Variants in CCBE1 observed in about 807,000 individuals in gnomAD.
CCBE1 encodes the protein collagen and calcium-binding EGF domain-containing protein 1.
A neutral mutation model predicts 50.0 loss-of-function variants in CCBE1; 37 were observed. The ratio of observed to expected loss-of-function variants is 0.74; its 90% confidence interval spans 0.57 to 0.97. CCBE1 has a LOEUF of 0.97. Ranked by LOEUF, CCBE1 falls within the 50% of genes least tolerant of loss-of-function variation. The pLI is 0.00. For missense variants in CCBE1, 538 were observed against 523.8 expected, an observed-to-expected ratio of 1.03 and a Z score of -0.26; for synonymous variants, 234 against 203.7, an observed-to-expected ratio of 1.15 and a Z score of -1.27.
At chr18:59,494,531 T>G (rs1213310310) in intron 2 of CCBE1, among the ~76,000 whole-genome samples, 1 of 152,114 alleles carries the variant, frequency 6.6e-6, no homozygotes, top group African/African-American at 2.4e-5. Flanking sequence ...GATTTTTTTT[T>G]TTTTAATGTT....
chr18:59,607,836 A>G lies in CCBE1; in HGVS notation c.212+88793T>C, dbSNP rs547165917. 7.5e-3 allele frequency among the ~76,000 whole-genome samples: 1,140 copies of G among 152,290 alleles called. 14 individuals carry two copies. Among genetic ancestry groups the G allele is most frequent in the African/African-American group, 0.026 (1,078 of 41,566 alleles). On this transcript the variant is annotated intron_variant, in intron 2 of 10. Transcript: ENST00000439986. ...ACTCCTGTAATCCCAGCACTTTGGG[A>G]GGCTGAGGCAGACGGATCACCTGAG...
intron 2 of CCBE1, among the ~76,000 whole-genome samples, chr18:59,662,896 C>A (rs1364327153): frequency 6.6e-6 from 1 of 152,018 alleles, no homozygotes; most frequent in Non-Finnish European, 1.5e-5. Context: ...GAGTTCAAGC[C>A]CGACCTGGGC....
chr18:59,634,486 G>A (rs1420659075), intron 2 of CCBE1, among the ~76,000 whole-genome samples: 3 of 152,210 alleles, frequency 2.0e-5, no homozygotes, highest in Admixed American at 1.3e-4. Flanking sequence ...CTGCTCTCAA[G>A]CCAGGGCCTT....
rs374031151 is a variant in CCBE1 at position 59,430,968 on chromosome 18, T to C, written c.*4940A>G. ...AAAAATAACTTTGTTATTAAGCATA[T>C]ACAATCATAACAAAAGTACATCATA... On this transcript the variant is annotated 3_prime_UTR_variant, in exon 11 of 11. Coordinates refer to ENST00000439986, the MANE Select transcript of CCBE1 (RefSeq NM_133459.4). 1.3e-5 allele frequency: 2 copies of C among 152,238 alleles called. No individual in the cohort carries two copies. The highest frequency in any genetic ancestry group is 4.8e-5 in the African/African-American group (2 of 41,466). 9.4% of individuals were successfully genotyped at this position (152,238 alleles called of 1,614,324 possible).
Position 59,454,832 on chromosome 18 carries a change from C to T in CCBE1, c.654+19G>A. On this transcript the variant is annotated intron_variant, in intron 6 of 10. Coordinates refer to ENST00000439986, the MANE Select transcript of CCBE1 (RefSeq NM_133459.4). ...CTCCTTCCATCAGGCATCATCGTTC[C>T]CACCCCAGCGGCACGTACCTTTTGC... 1 of 1,607,686 alleles carries T rather than the reference C, an allele frequency of 6.2e-7. No homozygotes were observed. The highest frequency in any genetic ancestry group is 8.5e-7 in the Non-Finnish European group (1 of 1,174,134).
intron 2 of CCBE1, among the ~76,000 whole-genome samples, chr18:59,642,781 C>G (rs566362058): frequency 1.6e-4 from 25 of 151,940 alleles, no homozygotes; most frequent in African/African-American, 5.8e-4. Flanking sequence ...AACCCCATCT[C>G]TACTAAAAAT....
intron 2 of CCBE1, among the ~76,000 whole-genome samples, chr18:59,587,532 G>T (rs961014183): frequency 6.6e-6 from 1 of 152,176 alleles, no homozygotes; most frequent in Non-Finnish European, 1.5e-5. Flanking sequence ...GGAACTAACA[G>T]ACTCCATTTT....
intron 2 of CCBE1, among the ~76,000 whole-genome samples, chr18:59,628,452 A>G (rs930256444): frequency 6.6e-6 from 1 of 152,144 alleles, no homozygotes; most frequent in African/African-American, 2.4e-5. Flanking sequence ...GAAAAAATCT[A>G]TCTTAATGCT....
chr18:59,697,149 A>C (rs1389754495), intron 1 of CCBE1, 63 bp downstream of exon 1: 2 of 1,543,124 alleles, frequency 1.3e-6, no homozygotes, highest in East Asian at 2.5e-5. Context: ...GACCGCCCGC[A>C]CCCCGCGAGC....
chr18:59,596,142 T>G (rs1420435639), intron 2 of CCBE1, among the ~76,000 whole-genome samples: 1 of 152,206 alleles, frequency 6.6e-6, no homozygotes, highest in African/African-American at 2.4e-5. Flanking sequence ...GTTTGCCCTA[T>G]AACTTTCCTC....
At chr18:59,682,538 AC>A (rs1302154037) in intron 2 of CCBE1, among the ~76,000 whole-genome samples, 1 of 152,118 alleles carries the variant, frequency 6.6e-6, no homozygotes, top group Non-Finnish European at 1.5e-5. Context: ...TCCTTAGAGA[AC>A]TCTCCAGTGA....
intron 2 of CCBE1, among the ~76,000 whole-genome samples, chr18:59,649,599 C>G (rs1004340562): frequency 6.6e-6 from 1 of 152,248 alleles, no homozygotes; most frequent in Non-Finnish European, 1.5e-5. Context: ...TCTGCCTACA[C>G]TTTAGCAAGG....
chr18:59,493,812 T>C (rs1913223112), intron 2 of CCBE1, among the ~76,000 whole-genome samples: 1 of 152,226 alleles, frequency 6.6e-6, no homozygotes. Context: ...CCACATGTCA[T>C]AGGAGGAACC....
At chr18:59,638,140 G>A (rs1369696168) in intron 2 of CCBE1, among the ~76,000 whole-genome samples, 1 of 152,152 alleles carries the variant, frequency 6.6e-6, no homozygotes, top group Non-Finnish European at 1.5e-5. Flanking sequence ...TTTAACTTAG[G>A]AATGCAGAGT....
At chr18:59,565,031 A>G (rs762364269) in intron 2 of CCBE1, among the ~76,000 whole-genome samples, 1 of 152,234 alleles carries the variant, frequency 6.6e-6, no homozygotes, top group Non-Finnish European at 1.5e-5. Context: ...TCCCTTGCTC[A>G]TGATGGGCTT....
chr18:59,689,504 G>C (rs1290467390), intron 2 of CCBE1, among the ~76,000 whole-genome samples: 1 of 152,186 alleles, frequency 6.6e-6, no homozygotes, highest in African/African-American at 2.4e-5. Context: ...GCTTAATGAG[G>C]ATTAAGTGTG....
At chr18:59,490,387 C>CCTT (rs371004472) in intron 2 of CCBE1, among the ~76,000 whole-genome samples, 226 of 141,806 alleles carry the variant, frequency 1.6e-3, no homozygotes, top group Non-Finnish European at 1.9e-3. Flanking sequence ...GATATTCCCC[C>CCTT]TTTTTTTTTT....
At chr18:59,470,996 C>CTT (rs1912005646) in intron 3 of CCBE1, among the ~76,000 whole-genome samples, 2 of 152,240 alleles carry the variant, frequency 1.3e-5, no homozygotes, top group Admixed American at 1.3e-4. Flanking sequence ...ACCCTGCAAA[C>CTT]TGTCTCTGGC....
Position 59,627,130 on chromosome 18 carries a change from T to C in CCBE1, c.212+69499A>G, listed in dbSNP as rs535321229. 2.3e-4 allele frequency among the ~76,000 whole-genome samples: 35 copies of C among 152,350 alleles called. No individual in the cohort carries two copies. The South Asian group carries it at 6.6e-3, about 29-fold the overall frequency. Reference sequence around the variant, plus strand: ...CATCATTCATCAGTTCAGCAATTCATGGGGTATACTGTGAAGATACTGCAA... The same window carrying C: ...CATCATTCATCAGTTCAGCAATTCACGGGGTATACTGTGAAGATACTGCAA... On this transcript the variant is annotated intron_variant, in intron 2 of 10. Coordinates refer to ENST00000439986, the MANE Select transcript of CCBE1 (RefSeq NM_133459.4).
Sources: gnomAD v4.1 joint callset for allele counts (sites outside exome capture counted in the v4.1 genomes callset) on GRCh38, gnomAD v4.1.1 for gene constraint, MANE v1.5 for transcripts, NCBI Gene and HGNC (gene_info 2026-07-23, HGNC 2026-07-21) for gene names.